The following GUCY2F variants were observed in gnomAD, a reference collection of about 807,000 sequenced individuals.
GUCY2F encodes the protein guanylate cyclase 2F, retinal.
In GUCY2F, 61 loss-of-function variants were observed where a neutral mutation model predicts 73.1. The ratio of observed to expected loss-of-function variants is 0.83; its 90% confidence interval spans 0.68 to 1.03. The LOEUF is 1.03. GUCY2F is among the 50% of genes least tolerant of loss of function. The pLI, the probability that GUCY2F is intolerant of heterozygous loss-of-function variation, is 0.00. For missense variants in GUCY2F, 912 were observed against 854.3 expected, an observed-to-expected ratio of 1.07 and a Z score of -0.84; for synonymous variants, 331 against 307.8, an observed-to-expected ratio of 1.08 and a Z score of -0.79.
At chrX:109,392,426 G>A (rs904936759) in intron 13 of GUCY2F, among the ~76,000 whole-genome samples, 1 of 111,352 alleles carries the variant, frequency 9.0e-6, no homozygotes, top group African/African-American at 3.3e-5. Context: ...GCCCTTTCAT[G>A]AGGCTAGTTT....
At chrX:109,473,278 T>G (rs1290904064) in intron 2 of GUCY2F, among the ~76,000 whole-genome samples, 1 of 112,069 alleles carries the variant, frequency 8.9e-6, no homozygotes, top group Non-Finnish European at 1.9e-5. Flanking sequence ...TTTTTTTCTC[T>G]GCATCCTCAA....
chrX:109,377,698 GC>G (rs1409870335), intron 17 of GUCY2F, among the ~76,000 whole-genome samples: 2 of 111,165 alleles, frequency 1.8e-5, no homozygotes, highest in South Asian at 7.6e-4. Context: ...AAACTCAAGG[GC>G]CCCCCACCCT....
chrX:109,390,272 C>T (rs1162285111), intron 14 of GUCY2F, among the ~76,000 whole-genome samples: 3 of 111,029 alleles, frequency 2.7e-5, no homozygotes, highest in South Asian at 3.9e-4. Flanking sequence ...GAAAAGGGTG[C>T]GATTGGGATG....
Position 109,441,423 on chromosome X carries a change from G to A in GUCY2F, c.1629C>T (p.Ser543=). ...QITSEVQSGR[S]PRLSFSSGSL... ...TCCCTGAAGAAAAGGAGAGTCTTGG[G>A]GACCTCCCACTTTGGACCTCTGAGG... Residue 543 remains serine, a synonymous_variant, in exon 7 of 20, where the codon TCC becomes TCT. Transcript: ENST00000218006. The A allele has an allele frequency of 8.6e-7, 1 of 1,163,217 alleles. No individual in the cohort carries two copies. Among genetic ancestry groups the A allele is most frequent in the Non-Finnish European group, 1.2e-6 (1 of 857,989 alleles).
intron 7 of GUCY2F, among the ~76,000 whole-genome samples, chrX:109,432,595 TA>T (rs1334013642): frequency 8.9e-6 from 1 of 111,973 alleles, no homozygotes; most frequent in East Asian, 2.8e-4. Context: ...CTCTCAAATT[TA>T]AAAAATCTTA....
intron 7 of GUCY2F, among the ~76,000 whole-genome samples, chrX:109,433,420 G>A (rs1043715351): frequency 8.9e-6 from 1 of 112,108 alleles, no homozygotes; most frequent in African/African-American, 3.2e-5. Flanking sequence ...TAAAAGAGCC[G>A]CAAATTGACC....
At chrX:109,386,642 C>G (rs1166478761) in intron 15 of GUCY2F, among the ~76,000 whole-genome samples, 1 of 111,443 alleles carries the variant, frequency 9.0e-6, no homozygotes, top group African/African-American at 3.3e-5. Context: ...ACCAGGAAAA[C>G]CCTCCAGATG....
At chrX:109,404,868 G>A (rs1930938282) in intron 9 of GUCY2F, among the ~76,000 whole-genome samples, 1 of 112,078 alleles carries the variant, frequency 8.9e-6, no homozygotes, top group Admixed American at 9.4e-5. Flanking sequence ...CTTGTGCATG[G>A]GCAATTTGGC....
In GUCY2F at chrX:109,408,977, A is replaced by T. The variant is rs1160902093; in HGVS notation, c.1968+15T>A. 3.2e-6 allele frequency: 3 copies of T among 932,070 alleles called. No individual in the cohort carries two copies. Among genetic ancestry groups the T allele is most frequent in the African/African-American group, 3.9e-5 (2 of 51,169 alleles). 76.8% of individuals were successfully genotyped at this position (932,070 alleles called of 1,213,427 possible). A position where few individuals can be genotyped will look rare whatever the true frequency, so the allele number is the denominator to read the frequency against. On this transcript the variant is annotated intron_variant, in intron 9 of 19. Coordinates refer to ENST00000218006, the MANE Select transcript of GUCY2F (RefSeq NM_001522.3). ...TACAGAGAAAATCCAAGATTTCCTC[A>T]GTCTTCCCATTAACCTTTATGAGAT...
At chrX:109,377,919 G>C (rs1055939505) in intron 17 of GUCY2F, among the ~76,000 whole-genome samples, 4 of 111,229 alleles carry the variant, frequency 3.6e-5, no homozygotes, top group Non-Finnish European at 5.7e-5. Context: ...AGCTCCAGGG[G>C]CTCTCTGAGG....
chrX:109,424,553 A>G (rs992374999), intron 8 of GUCY2F, among the ~76,000 whole-genome samples: 4 of 110,896 alleles, frequency 3.6e-5, no homozygotes, highest in Non-Finnish European at 5.7e-5. Flanking sequence ...GTTTACCCCA[A>G]TGTAAACTAT....
intron 17 of GUCY2F, 98 bp downstream of exon 17, chrX:109,382,020 G>T: frequency 2.1e-6 from 1 of 469,189 alleles, no homozygotes; most frequent in East Asian, 3.6e-5. Context: ...ATAGCTCTGA[G>T]TCTCAGACTC....
chrX:109,438,555 A>C (rs1178392777), intron 7 of GUCY2F, among the ~76,000 whole-genome samples: 3 of 112,927 alleles, frequency 2.7e-5, no homozygotes, highest in African/African-American at 9.6e-5. Context: ...AATCCAACAA[A>C]ACAAACAACA....
intron 8 of GUCY2F, among the ~76,000 whole-genome samples, chrX:109,427,953 CAGAT>C (rs1479302007): frequency 2.7e-5 from 3 of 111,254 alleles, no homozygotes; most frequent in South Asian, 3.7e-4. Context: ...TTTAGATAGA[CAGAT>C]TGATTGATAT....
intron 8 of GUCY2F, among the ~76,000 whole-genome samples, chrX:109,415,702 A>G (rs1243767150): frequency 2.7e-5 from 3 of 112,165 alleles, no homozygotes; most frequent in African/African-American, 9.7e-5. Flanking sequence ...AAACTGCAAC[A>G]CAGCTTCAAT....
intron 7 of GUCY2F, among the ~76,000 whole-genome samples, chrX:109,435,859 G>T (rs1931733213): frequency 9.0e-6 from 1 of 111,332 alleles, no homozygotes; most frequent in Non-Finnish European, 1.9e-5. Context: ...TTTTGTCAAA[G>T]GCCTTTTCTG....
chrX:109,452,225 C>G, intron 4 of GUCY2F, 118 bp from the exon 5 acceptor site: 1 of 492,633 alleles, frequency 2.0e-6, no homozygotes, highest in Admixed American at 3.5e-5. Flanking sequence ...CCACATCTAC[C>G]TAACCTAATT....
At chrX:109,439,548 T>A (rs1040786545) in intron 7 of GUCY2F, among the ~76,000 whole-genome samples, 48 of 110,857 alleles carry the variant, frequency 4.3e-4, no homozygotes, top group African/African-American at 1.5e-3. Flanking sequence ...GTTTTTTTTT[T>A]AAATACATTC....
intron 7 of GUCY2F, among the ~76,000 whole-genome samples, chrX:109,438,784 G>A (rs957618914): frequency 1.6e-4 from 18 of 112,704 alleles, no homozygotes; most frequent in African/African-American, 5.8e-4. Context: ...GGTGTCAAGG[G>A]TGGCCATGTC....
Sources: allele counts gnomAD v4.1 joint callset (sites outside exome capture counted in the v4.1 genomes callset), GRCh38; gene constraint gnomAD v4.1.1; transcripts MANE v1.5; gene names NCBI Gene and HGNC (gene_info 2026-07-23, HGNC 2026-07-21).